The following VPS35L variants were observed in gnomAD, a reference collection of about 807,000 sequenced individuals.
VPS35L encodes the protein VPS35 endosomal protein-sorting factor-like.
In VPS35L, 83 loss-of-function variants were observed where a neutral mutation model predicts 133.0. The ratio of observed to expected loss-of-function variants is 0.62; its 90% confidence interval spans 0.52 to 0.75. VPS35L has a LOEUF of 0.75. VPS35L is among the 30% of genes least tolerant of loss of function. The pLI, the probability that VPS35L is intolerant of heterozygous loss-of-function variation, is 0.00. For synonymous variants in VPS35L, 423 were observed against 449.9 expected, an observed-to-expected ratio of 0.94 and a Z score of 0.76; for missense variants, 1,083 against 1,206.8, an observed-to-expected ratio of 0.90 and a Z score of 1.52.
intron 6 of VPS35L, 95 bp downstream of exon 6, chr16:19,579,223 C>G (rs1971631566): frequency 2.6e-6 from 3 of 1,149,652 alleles, no homozygotes; most frequent in Non-Finnish European, 3.8e-6. Flanking sequence ...TTGATTAATT[C>G]CTGGGCTGCG....
chr16:19,589,919 C>G (rs996320654), intron 7 of VPS35L, among the ~76,000 whole-genome samples: 2 of 152,144 alleles, frequency 1.3e-5, no homozygotes, highest in Non-Finnish European at 2.9e-5. Context: ...TGTCACATCC[C>G]TAGGAACCGA....
chr16:19,642,275 G>A, intron 21 of VPS35L, 121 bp from the exon 22 acceptor site: 1 of 764,632 alleles, frequency 1.3e-6, no homozygotes. Context: ...ACTGGGCTGG[G>A]TGAAATGCCA....
At position 19,650,460 on chromosome 16, in the gene VPS35L, G is replaced by T; in HGVS notation, c.2106+1G>T. The T allele has an allele frequency of 1.2e-6, 2 of 1,612,542 alleles. No homozygotes were observed. Among genetic ancestry groups the T allele is most frequent in the Non-Finnish European group, 1.7e-6 (2 of 1,178,574 alleles). On this transcript the variant is annotated splice_donor_variant, in intron 25 of 30. Coordinates refer to ENST00000417362, the MANE Select transcript of VPS35L (RefSeq NM_020314.7). LOFTEE classifies it high-confidence loss of function. ...CAGAAAGACAGCTGCATTTGTCCGG[G>T]TATGTTCTTAAGATAAGGACTGTTG...
chr16:19,636,534 T>C (rs1973628675), intron 19 of VPS35L, among the ~76,000 whole-genome samples: 1 of 152,226 alleles, frequency 6.6e-6, no homozygotes. Flanking sequence ...TGTCTTACAA[T>C]GGTATGCCTT....
chr16:19,685,358 C>T (rs1975421172), intron 28 of VPS35L, among the ~76,000 whole-genome samples: 1 of 152,186 alleles, frequency 6.6e-6, no homozygotes, highest in Admixed American at 6.5e-5. Context: ...TGTTGGTATG[C>T]AAAACGGTAG....
chr16:19,666,883 T>TCTTC (rs1974684235), intron 26 of VPS35L, among the ~76,000 whole-genome samples: 1 of 94,318 alleles, frequency 1.1e-5, no homozygotes, highest in Non-Finnish European at 2.1e-5. Context: ...TTTCTTTCTT[T>TCTTC]CTTTCTTTCT....
At chr16:19,627,403 G>A (rs1175663061) in intron 15 of VPS35L, among the ~76,000 whole-genome samples, 2 of 152,090 alleles carry the variant, frequency 1.3e-5, no homozygotes, top group Non-Finnish European at 2.9e-5. Flanking sequence ...TTGAATGCTC[G>A]CTCTTCTTCT....
intron 2 of VPS35L, 89 bp from the exon 3 acceptor site, chr16:19,569,335 T>G: frequency 6.9e-7 from 1 of 1,451,562 alleles, no homozygotes; most frequent in Non-Finnish European, 9.7e-7. Context: ...TCCATTCAAC[T>G]ACCAGAATGG....
At chr16:19,564,816 C>A in intron 1 of VPS35L, 35 bp from the exon 2 acceptor site, 1 of 1,447,742 alleles carries the variant, frequency 6.9e-7, no homozygotes, top group South Asian at 1.1e-5. Context: ...TAAGTACCCC[C>A]ATCCACTAAT....
At position 19,642,412 on chromosome 16, in the gene VPS35L, A is replaced by G; in HGVS notation, c.1801A>G (p.Thr601Ala). Residue 601 changes from threonine (T) to alanine (A), a missense_variant, in exon 22 of 31, where the codon ACC becomes GCC. By Grantham distance (58) the Thr-to-Ala change is moderately conservative (BLOSUM62 0). Transcript: ENST00000417362. ...DAFIKHQQEPTKDPVILNALL... is the reference protein window; with the variant it reads ...DAFIKHQQEPAKDPVILNALL... ...GTCTCCTAGGCATCAACAAGAGCCC[A>G]CCAAGGACCCGGTCATCTTGAATGC... 3 of 1,613,924 alleles carry G rather than the reference A, an allele frequency of 1.9e-6. No individual in the cohort carries two copies. Among genetic ancestry groups the G allele is most frequent in the Non-Finnish European group, 2.5e-6 (3 of 1,179,834 alleles).
chr16:19,647,756 C>T lies in VPS35L; in HGVS notation c.1930-28C>T, dbSNP rs747242811. On this transcript the variant is annotated intron_variant, in intron 23 of 30. Transcript: ENST00000417362. ...GTTCTCTCTAAAAATACCACTGTCC[C>T]TTTCAGCGTCTTTCTCCTTGATTCT... 3.2e-6 allele frequency: 5 copies of T among 1,571,750 alleles called. No homozygotes were observed. The South Asian group carries it at 5.5e-5, about 17-fold the overall frequency.
At chr16:19,632,954 AT>A (rs1298293859) in intron 18 of VPS35L, 137 bp from the exon 19 acceptor site, 14 of 706,146 alleles carry the variant, frequency 2.0e-5, no homozygotes, top group Middle Eastern at 2.5e-4. Context: ...CCCTTCCGTT[AT>A]TTTCAGCAGA....
chr16:19,695,455 C>T (rs1975872161), intron 29 of VPS35L, among the ~76,000 whole-genome samples: 1 of 152,152 alleles, frequency 6.6e-6, no homozygotes, highest in Admixed American at 6.5e-5. Context: ...TTCTGAAGAA[C>T]ATTTCACGTG....
Position 19,628,769 on chromosome 16 carries a change from A to AT in VPS35L, c.1500+21dup. 1.0e-6 allele frequency: 1 copy of AT among 1,002,156 alleles called. No individual in the cohort carries two copies. Among genetic ancestry groups the AT allele is most frequent in the Non-Finnish European group, 1.4e-6 (1 of 732,938 alleles). The allele number at this position is 1,002,156 out of a possible 1,614,324, so 62.1% of individuals were successfully genotyped here. Reference sequence around the variant, plus strand: ...GAACCCACAGGTGAGTGGCCATTTTATTTTTATTTTTATTTATTTATTTAT... The same window carrying AT: ...GAACCCACAGGTGAGTGGCCATTTTATTTTTTATTTTTATTTATTTATTTAT... On this transcript the variant is annotated intron_variant, in intron 17 of 30. Transcript: ENST00000417362.
At chr16:19,692,975 T>C (rs1001972287) in intron 29 of VPS35L, among the ~76,000 whole-genome samples, 1 of 152,228 alleles carries the variant, frequency 6.6e-6, no homozygotes, top group African/African-American at 2.4e-5. Context: ...GGGTTAGTAG[T>C]TGAAAGGGCA....
At chr16:19,644,793 T>C (rs1973886211) in intron 22 of VPS35L, 93 bp from the exon 23 acceptor site, 1 of 841,716 alleles carries the variant, frequency 1.2e-6, no homozygotes. Context: ...AAAATGTTCT[T>C]ACCTGTTAAA....
At chr16:19,608,740 G>A in intron 10 of VPS35L, 1 of 502,076 alleles carries the variant, frequency 2.0e-6, no homozygotes, top group South Asian at 3.7e-5. Context: ...TTATATTTCA[G>A]CATGCAACTA....
intron 12 of VPS35L, among the ~76,000 whole-genome samples, chr16:19,615,896 G>A (rs1972873512): frequency 1.3e-5 from 2 of 151,822 alleles, no homozygotes; most frequent in Non-Finnish European, 1.5e-5. Flanking sequence ...GAACCAGGGA[G>A]TCGGTGGTTG....
Position 19,639,695 on chromosome 16 carries a change from A to G in VPS35L, c.1699-320A>G, listed in dbSNP as rs1973727039. Among the ~76,000 whole-genome samples, 1 of 151,940 alleles carries G rather than the reference A, an allele frequency of 6.6e-6. No individual in the cohort carries two copies. Among genetic ancestry groups the G allele is most frequent in the African/African-American group, 2.4e-5 (1 of 41,344 alleles). ...AGGCATGCATCACCATGCCTGGTTT[A>G]TTTTTGTATTTTTAGTAGAGACAGG... On this transcript the variant is annotated intron_variant, in intron 20 of 30. Coordinates refer to ENST00000417362, the MANE Select transcript of VPS35L (RefSeq NM_020314.7). This position sits in a 1 kb window ranked among gnomAD's most constrained non-coding sequence, Gnocchi z 4.1.
Sources: allele counts gnomAD v4.1 joint callset (sites outside exome capture counted in the v4.1 genomes callset), GRCh38; gene constraint gnomAD v4.1.1; non-coding constraint Gnocchi (gnomAD v3.1); transcripts MANE v1.5; gene names NCBI Gene and HGNC (gene_info 2026-07-23, HGNC 2026-07-21).